ZNF385D: variants seen among roughly 807,000 people sequenced by gnomAD.
ZNF385D encodes the protein zinc finger protein 385D.
In ZNF385D, 15 loss-of-function variants were observed where a neutral mutation model predicts 35.8. The observed-to-expected ratio is 0.42, with a 90% CI of 0.28 to 0.64. The LOEUF (loss-of-function observed/expected upper bound fraction) is 0.64. Among genes scored for constraint, ZNF385D ranks in the 30% least tolerant of loss-of-function variants. The pLI is 0.23. For missense variants in ZNF385D, 474 were observed against 494.6 expected (o/e 0.96, Z 0.39); for synonymous variants, 212 against 186.8 (o/e 1.13, Z -1.10).
At chr3:22,193,758 T>C (rs1241601777) in intron 2 of ZNF385D, among the ~76,000 whole-genome samples, 2 of 152,038 alleles carry the variant, frequency 1.3e-5, no homozygotes, top group Non-Finnish European at 2.9e-5. Context: ...ACATTGTGTT[T>C]CATATGTTTT....
At chr3:21,951,238 G>C (rs1702050917) in intron 3 of ZNF385D, among the ~76,000 whole-genome samples, 1 of 151,614 alleles carries the variant, frequency 6.6e-6, no homozygotes, top group Non-Finnish European at 1.5e-5. Context: ...GTGGTTTGTA[G>C]TTCTCCTTGA....
chr3:22,104,033 T>C (rs913883417), intron 3 of ZNF385D, among the ~76,000 whole-genome samples: 1 of 152,238 alleles, frequency 6.6e-6, no homozygotes, highest in Non-Finnish European at 1.5e-5. Context: ...AAAATCACAT[T>C]ATAAAAATAA....
intron 1 of ZNF385D, among the ~76,000 whole-genome samples, chr3:21,743,284 T>C (rs1053322454): frequency 1.3e-5 from 2 of 152,188 alleles, no homozygotes; most frequent in Non-Finnish European, 1.5e-5. Context: ...TTTATAAGCA[T>C]TGAGTTAAAT....
At chr3:21,728,378 T>C (rs1343260753) in intron 1 of ZNF385D, among the ~76,000 whole-genome samples, 4 of 151,998 alleles carry the variant, frequency 2.6e-5, no homozygotes, top group Admixed American at 2.0e-4. Context: ...ACTCAGGTTA[T>C]GGAAAAACAG....
At chr3:22,319,149 T>C (rs987368648) in intron 2 of ZNF385D, among the ~76,000 whole-genome samples, 2 of 152,080 alleles carry the variant, frequency 1.3e-5, no homozygotes, top group Admixed American at 6.6e-5. Context: ...CAATAGATGA[T>C]AGATTTTAGA....
chr3:21,827,763 T>G (rs1694735683), intron 3 of ZNF385D, among the ~76,000 whole-genome samples: 1 of 152,218 alleles, frequency 6.6e-6, no homozygotes, highest in Admixed American at 6.5e-5. Context: ...TAGAAAAGAA[T>G]TCTGCAAAAT....
At chr3:22,185,561 G>C (rs1049340250) in intron 2 of ZNF385D, among the ~76,000 whole-genome samples, 2 of 151,994 alleles carry the variant, frequency 1.3e-5, no homozygotes, top group South Asian at 2.1e-4. Flanking sequence ...TCCGCCTCCC[G>C]GGTTCAAGCA....
At chr3:22,167,511 T>G in intron 3 of ZNF385D, among the ~76,000 whole-genome samples, 1 of 152,144 alleles carries the variant, frequency 6.6e-6, no homozygotes, top group East Asian at 1.9e-4. Flanking sequence ...TCATTCTTCT[T>G]AGACATGTGA....
At chr3:21,683,136 T>C (rs754272923) in intron 1 of ZNF385D, among the ~76,000 whole-genome samples, 5 of 149,688 alleles carry the variant, frequency 3.3e-5, no homozygotes, top group Non-Finnish European at 7.4e-5. Context: ...GATCCACAAA[T>C]TGAAAACACT....
rs7616362 is a variant in ZNF385D at position 22,040,574 on chromosome 3, A to C, written c.325+128243T>G. ...TAAAAAGAAATAATGATAATCACAC[A>C]TTTTCTGAACAGGTTATTAAATGTG... On this transcript the variant is annotated intron_variant, in intron 3 of 5. Coordinates refer to the ZNF385D transcript ENST00000494108. Among the ~76,000 whole-genome samples the C allele has an allele frequency of 2.7e-3, 413 of 152,260 alleles. 3 individuals carry two copies. The highest frequency in any genetic ancestry group is 9.6e-3 in the African/African-American group (397 of 41,564).
chr3:21,813,699 C>G (rs140912867), intron 3 of ZNF385D, among the ~76,000 whole-genome samples: 1 of 151,896 alleles, frequency 6.6e-6, no homozygotes, highest in South Asian at 2.1e-4. Context: ...ATATGGGACT[C>G]TGTGAAAAGA....
At chr3:22,069,547 G>A (rs1241018086) in intron 3 of ZNF385D, among the ~76,000 whole-genome samples, 1 of 152,096 alleles carries the variant, frequency 6.6e-6, no homozygotes. Context: ...AAAAACTGAA[G>A]CTATTAGAAG....
chr3:21,918,879 T>A (rs1161728221), intron 3 of ZNF385D, among the ~76,000 whole-genome samples: 1 of 152,184 alleles, frequency 6.6e-6, no homozygotes, highest in East Asian at 1.9e-4. Flanking sequence ...ATCTTCTGAC[T>A]CATCCTTTGT....
At chr3:21,741,296 G>C (rs996379127) in intron 1 of ZNF385D, among the ~76,000 whole-genome samples, 1 of 152,118 alleles carries the variant, frequency 6.6e-6, no homozygotes, top group African/African-American at 2.4e-5. Flanking sequence ...TTAGTATTTA[G>C]GATCCTACAC....
intron 3 of ZNF385D, among the ~76,000 whole-genome samples, chr3:21,957,421 T>C (rs563272047): frequency 3.3e-5 from 5 of 152,250 alleles, no homozygotes; most frequent in Non-Finnish European, 5.9e-5. Flanking sequence ...TGGAACTTTC[T>C]GTAGACTTGT....
At chr3:22,095,655 A>C (rs1701578131) in intron 3 of ZNF385D, among the ~76,000 whole-genome samples, 1 of 128,872 alleles carries the variant, frequency 7.8e-6, no homozygotes, top group South Asian at 2.2e-4. Context: ...CTATTGCAGG[A>C]AATTGATTTC....
At chr3:22,189,489 T>A (rs780675068) in intron 2 of ZNF385D, among the ~76,000 whole-genome samples, 2 of 152,010 alleles carry the variant, frequency 1.3e-5, no homozygotes, top group Non-Finnish European at 2.9e-5. Flanking sequence ...CAAACCTCTG[T>A]TTAGAGACAC....
At chr3:21,666,358 T>C (rs1165470333) in intron 1 of ZNF385D, among the ~76,000 whole-genome samples, 1 of 152,194 alleles carries the variant, frequency 6.6e-6, no homozygotes, top group Non-Finnish European at 1.5e-5. Flanking sequence ...CCATCAGCTC[T>C]CCTGCTCCCA....
intron 3 of ZNF385D, among the ~76,000 whole-genome samples, chr3:22,030,293 A>ATGTATG (rs1697902976): frequency 3.1e-5 from 3 of 97,076 alleles, no homozygotes; most frequent in Non-Finnish European, 3.9e-5. Context: ...ATATATATAT[A>ATGTATG]TATATATATC....
Sources: gnomAD v4.1 joint callset for allele counts (sites outside exome capture counted in the v4.1 genomes callset) on GRCh38, gnomAD v4.1.1 for gene constraint, MANE v1.5 for transcripts, NCBI Gene and HGNC (gene_info 2026-07-23, HGNC 2026-07-21) for gene names.